RBFOX1: variants seen among roughly 807,000 people sequenced by gnomAD.
RBFOX1 encodes RNA binding protein fox-1 homolog 1.
RBFOX1 carries 8 observed loss-of-function variants against 57.7 expected under a neutral mutation model. The ratio of observed to expected loss-of-function variants is 0.14; its 90% CI spans 0.08 to 0.25. The LOEUF (loss-of-function observed/expected upper bound fraction) is 0.25. Ranked by LOEUF, RBFOX1 falls within the 10% of genes least tolerant of loss-of-function variation. RBFOX1 has a pLI of 1.00. For missense variants in RBFOX1, 611 were observed against 548.5 expected, an observed-to-expected ratio of 1.11 and a Z score of -1.14; for synonymous variants, 326 against 222.4, an observed-to-expected ratio of 1.47 and a Z score of -4.15.
At chr16:6,145,889 G>A (rs1411508011) in intron 1 of RBFOX1, among the ~76,000 whole-genome samples, 1 of 152,132 alleles carries the variant, frequency 6.6e-6, no homozygotes, top group Non-Finnish European at 1.5e-5. Context: ...TCTCACTCCT[G>A]GGGCAGGTAT....
intron 4 of RBFOX1, among the ~76,000 whole-genome samples, chr16:7,438,876 G>C (rs737991): frequency 0.98 from 149,413 of 152,270 alleles, 73,375 homozygotes; most frequent in East Asian, 1. Context: ...CAATGGCTGA[G>C]TGATCTATAC....
intron 2 of RBFOX1, among the ~76,000 whole-genome samples, chr16:6,568,433 G>A (rs565698042): frequency 2.4e-4 from 36 of 152,106 alleles, no homozygotes; most frequent in Admixed American, 1.6e-3. Context: ...CAGAGAAAGC[G>A]GGGAGAGAAA....
chr16:5,820,134 G>A (rs1409903726), intron 3 of RBFOX1, among the ~76,000 whole-genome samples: 1 of 152,198 alleles, frequency 6.6e-6, no homozygotes, highest in African/African-American at 2.4e-5. Flanking sequence ...CTAGGAAGTG[G>A]TTGTTGCTGT....
At chr16:7,252,647 C>A (rs543456259) in intron 4 of RBFOX1, among the ~76,000 whole-genome samples, 1 of 150,928 alleles carries the variant, frequency 6.6e-6, no homozygotes, top group South Asian at 2.1e-4. Flanking sequence ...CTGCTTTACT[C>A]ATTGGTGTCA....
chr16:7,022,614 C>A (rs191332106), intron 3 of RBFOX1, among the ~76,000 whole-genome samples: 2 of 152,172 alleles, frequency 1.3e-5, no homozygotes, highest in African/African-American at 4.8e-5. Context: ...TGTTGTGAGC[C>A]AAGCACTGCA....
chr16:6,204,022 G>A (rs2152835061), intron 1 of RBFOX1, among the ~76,000 whole-genome samples: 1 of 146,486 alleles, frequency 6.8e-6, no homozygotes, highest in Non-Finnish European at 1.5e-5. Flanking sequence ...TCTACCATCA[G>A]AAATGACATT....
chr16:7,475,309 C>CTTT (rs753509713), intron 4 of RBFOX1, among the ~76,000 whole-genome samples: 6 of 132,772 alleles, frequency 4.5e-5, no homozygotes, highest in East Asian at 2.2e-4. Context: ...GATGGGCATT[C>CTTT]TTTTTTTTTT....
intron 3 of RBFOX1, among the ~76,000 whole-genome samples, chr16:6,840,577 T>G (rs970282668): frequency 4.6e-5 from 7 of 152,142 alleles, no homozygotes; most frequent in African/African-American, 1.7e-4. Context: ...CCCTCATGAA[T>G]GGGATTAGTG....
chr16:5,606,679 T>A (rs2047592304), intron 3 of RBFOX1, among the ~76,000 whole-genome samples: 1 of 151,886 alleles, frequency 6.6e-6, no homozygotes, highest in Admixed American at 6.6e-5. Context: ...CACAATCTGA[T>A]TGCTTTGTAG....
chr16:6,648,534 A>G (rs1343173185), intron 2 of RBFOX1, among the ~76,000 whole-genome samples: 1 of 152,160 alleles, frequency 6.6e-6, no homozygotes, highest in African/African-American at 2.4e-5. Flanking sequence ...GTCTAATGCC[A>G]GAACTGGAAT....
intron 3 of RBFOX1, among the ~76,000 whole-genome samples, chr16:6,743,424 A>G (rs754783706): frequency 2.6e-5 from 4 of 152,210 alleles, no homozygotes; most frequent in Non-Finnish European, 5.9e-5. Flanking sequence ...TGTTATAAGA[A>G]GCACATTTTA....
intron 3 of RBFOX1, among the ~76,000 whole-genome samples, chr16:6,794,770 A>C (rs907046228): frequency 6.6e-6 from 1 of 152,158 alleles, no homozygotes; most frequent in Non-Finnish European, 1.5e-5. Flanking sequence ...ATGTAGGGAA[A>C]CATGTTTAAT....
chr16:7,242,791 C>T (rs778857560), intron 4 of RBFOX1, among the ~76,000 whole-genome samples: 7 of 152,180 alleles, frequency 4.6e-5, no homozygotes, highest in Non-Finnish European at 8.8e-5. Flanking sequence ...CTAAACGGCT[C>T]AGCCAAATTT....
At chr16:5,621,030 C>T (rs1044203075) in intron 3 of RBFOX1, among the ~76,000 whole-genome samples, 14 of 152,128 alleles carry the variant, frequency 9.2e-5, no homozygotes, top group Admixed American at 3.9e-4. Context: ...TCAGTAGAGG[C>T]GAGGTTTCAC....
chr16:6,251,895 C>A (rs1423938540), intron 1 of RBFOX1, among the ~76,000 whole-genome samples: 1 of 152,086 alleles, frequency 6.6e-6, no homozygotes, highest in Non-Finnish European at 1.5e-5. Flanking sequence ...ACCTTACTTA[C>A]AAGGCGGCTG....
chr16:7,467,195 A>G (rs1159746725), intron 4 of RBFOX1, among the ~76,000 whole-genome samples: 1 of 152,212 alleles, frequency 6.6e-6, no homozygotes, highest in Non-Finnish European at 1.5e-5. Context: ...GTGCTAATAT[A>G]AGAATTCTGA....
intron 3 of RBFOX1, among the ~76,000 whole-genome samples, chr16:7,026,207 T>C (rs1483297428): frequency 6.6e-6 from 1 of 152,122 alleles, no homozygotes; most frequent in African/African-American, 2.4e-5. Context: ...ATCAAGACCG[T>C]CTCTTCTAGG....
At chr16:6,591,178 G>A (rs1366409981) in intron 2 of RBFOX1, among the ~76,000 whole-genome samples, 6 of 152,198 alleles carry the variant, frequency 3.9e-5, no homozygotes, top group Non-Finnish European at 7.3e-5. Flanking sequence ...AGGCGTGGCT[G>A]CTCATGCCTG....
rs149722300 is a variant in RBFOX1, at chr16:6,847,880, C to T, written c.-16+193230C>T. Among the ~76,000 whole-genome samples the T allele has an allele frequency of 1.8e-4, 28 of 152,178 alleles. No individual in the cohort carries two copies. In the South Asian group the frequency reaches 2.1e-3, roughly 11 times the overall value. ...TGAAATGGAGTCTTGGTCTGTCAGTCAGGCTGGAGAGTACTGGCACAATCT... is the reference window on the plus strand; with the variant it reads ...TGAAATGGAGTCTTGGTCTGTCAGTTAGGCTGGAGAGTACTGGCACAATCT... On this transcript the variant is annotated intron_variant, in intron 3 of 15. Transcript: ENST00000550418.
Sources: allele counts gnomAD v4.1 joint callset (sites outside exome capture counted in the v4.1 genomes callset), GRCh38; gene constraint gnomAD v4.1.1; transcripts MANE v1.5; gene names NCBI Gene and HGNC (gene_info 2026-07-23, HGNC 2026-07-21).